The following ADAMTS6 variants were observed in gnomAD, a reference collection of about 807,000 sequenced individuals.
ADAMTS6 encodes ADAM metallopeptidase with thrombospondin type 1 motif 6, also known as A disintegrin and metalloproteinase with thrombospondin motifs 6.
ADAMTS6 carries 23 observed loss-of-function variants against 144.3 expected under a neutral mutation model. The observed-to-expected ratio is 0.16, with a 90% CI of 0.11 to 0.23. The LOEUF (loss-of-function observed/expected upper bound fraction) is 0.23. ADAMTS6 is among the 10% of genes least tolerant of loss of function. The pLI is 1.00. For synonymous variants in ADAMTS6, 444 were observed against 457.5 expected (o/e 0.97, Z 0.38); for missense variants, 999 against 1,379.6 (o/e 0.72, Z 4.37).
At chr5:65,379,657 C>T (rs1751865792) in intron 7 of ADAMTS6, among the ~76,000 whole-genome samples, 1 of 151,982 alleles carries the variant, frequency 6.6e-6, no homozygotes, top group African/African-American at 2.4e-5. Context: ...AACAGTGACC[C>T]CGCTTTCTCC....
At chr5:65,175,685 C>T (rs1032047716) in intron 22 of ADAMTS6, among the ~76,000 whole-genome samples, 11 of 151,366 alleles carry the variant, frequency 7.3e-5, no homozygotes, top group African/African-American at 2.7e-4. Flanking sequence ...CACATCTCAC[C>T]AGTTCAGAAG....
intron 14 of ADAMTS6, among the ~76,000 whole-genome samples, chr5:65,247,590 A>G (rs2112523185): frequency 6.6e-6 from 1 of 152,270 alleles, no homozygotes; most frequent in East Asian, 1.9e-4. Flanking sequence ...AAATGAGGAA[A>G]ATTCTGAAAA....
intron 24 of ADAMTS6, among the ~76,000 whole-genome samples, chr5:65,157,826 A>G (rs1752520933): frequency 6.6e-6 from 1 of 152,158 alleles, no homozygotes; most frequent in Non-Finnish European, 1.5e-5. Context: ...CAGACTAGAA[A>G]AGGATGAAAT....
chr5:65,158,916 A>G (rs1452201272), intron 24 of ADAMTS6, among the ~76,000 whole-genome samples: 1 of 151,378 alleles, frequency 6.6e-6, no homozygotes, highest in African/African-American at 2.4e-5. Flanking sequence ...CATTTCTTCA[A>G]TCTCTCTCAA....
At chr5:65,413,641 G>A (rs1755249778) in intron 7 of ADAMTS6, among the ~76,000 whole-genome samples, 1 of 151,956 alleles carries the variant, frequency 6.6e-6, no homozygotes, top group Non-Finnish European at 1.5e-5. Flanking sequence ...GTAACCTGAT[G>A]CCATAATGTT....
In ADAMTS6 at chr5:65,148,939, T is replaced by C. The variant is rs1670727099; in HGVS notation, c.*2897A>G. On this transcript the variant is annotated 3_prime_UTR_variant, in exon 25 of 25. Coordinates refer to ENST00000381055, the MANE Select transcript of ADAMTS6 (RefSeq NM_197941.4). Reference sequence around the variant, plus strand: ...TACAAAAGCAAAAAAATTAACAGTGTACCACATTATTACTGAGTATAAAAT... The same window carrying C: ...TACAAAAGCAAAAAAATTAACAGTGCACCACATTATTACTGAGTATAAAAT... 6.6e-6 allele frequency: 1 copy of C among 152,648 alleles called. No individual in the cohort carries two copies. The highest frequency in any genetic ancestry group is 6.5e-5 in the Admixed American group (1 of 15,276). 9.5% of individuals were successfully genotyped at this position (152,648 alleles called of 1,614,324 possible).
chr5:65,159,724 C>A (rs1202070307), intron 24 of ADAMTS6, among the ~76,000 whole-genome samples: 1 of 152,134 alleles, frequency 6.6e-6, no homozygotes, highest in Non-Finnish European at 1.5e-5. Context: ...GAACAGGGAA[C>A]CTGTTGTATT....
Position 65,195,857 on chromosome 5 carries a change from TCACA to T in ADAMTS6, c.2705+1161_2705+1164del, listed in dbSNP as rs1409320908. ...TTCTCAAACAAGAATGAAATGCCAA[TCACA>T]CATGTTTTCTCTTGCAGTTTTCAAT... On this transcript the variant is annotated intron_variant, in intron 21 of 24. Transcript: ENST00000381055. Among the ~76,000 whole-genome samples the T allele has an allele frequency of 4.6e-5, 7 of 152,354 alleles. No individual in the cohort carries two copies. The South Asian group carries it at 1.5e-3, about 32-fold the overall frequency.
At chr5:65,366,832 T>C (rs570926823) in intron 7 of ADAMTS6, among the ~76,000 whole-genome samples, 55 of 152,270 alleles carry the variant, frequency 3.6e-4, no homozygotes, top group African/African-American at 1.3e-3. Context: ...AGCTGCTCTG[T>C]TCTATAAATA....
At chr5:65,227,038 C>T (rs546104960) in intron 15 of ADAMTS6, among the ~76,000 whole-genome samples, 38 of 152,232 alleles carry the variant, frequency 2.5e-4, no homozygotes, top group Admixed American at 3.9e-4. Flanking sequence ...TTTGTACCTG[C>T]CTTAAGCATA....
chr5:65,267,062 T>A (rs1008669149), intron 12 of ADAMTS6, among the ~76,000 whole-genome samples: 1 of 152,040 alleles, frequency 6.6e-6, no homozygotes, highest in African/African-American at 2.4e-5. Flanking sequence ...TAAAGCAACT[T>A]GGAATATATA....
intron 18 of ADAMTS6, among the ~76,000 whole-genome samples, chr5:65,221,357 T>C (rs942616293): frequency 6.6e-6 from 1 of 152,168 alleles, no homozygotes; most frequent in African/African-American, 2.4e-5. Flanking sequence ...ATCAATCAAT[T>C]TATTTACTAT....
At chr5:65,387,008 G>A (rs1752528720) in intron 7 of ADAMTS6, among the ~76,000 whole-genome samples, 1 of 152,170 alleles carries the variant, frequency 6.6e-6, no homozygotes, top group African/African-American at 2.4e-5. Flanking sequence ...ATGGAAAGAA[G>A]AACAATAATG....
At chr5:65,305,736 A>G (rs1484487718) in intron 9 of ADAMTS6, among the ~76,000 whole-genome samples, 1 of 152,098 alleles carries the variant, frequency 6.6e-6, no homozygotes, top group African/African-American at 2.4e-5. Flanking sequence ...ACACGAACAC[A>G]GAGACAGAGA....
In ADAMTS6 at chr5:65,391,061, T is replaced by C. The variant is rs1384340460; in HGVS notation, c.1074-56976A>G. The stretch of plus-strand genomic sequence containing the variant: ...TCAGCCCCCCAACTAGTTGAGACTA[T>C]AGGCACACACCACCACAGCTGGCTA... On this transcript the variant is annotated intron_variant, in intron 7 of 24. Coordinates refer to ENST00000381055, the MANE Select transcript of ADAMTS6 (RefSeq NM_197941.4). 4.6e-5 allele frequency among the ~76,000 whole-genome samples: 7 copies of C among 151,792 alleles called. No homozygotes were observed. In the East Asian group the frequency reaches 1.4e-3, roughly 29 times the overall value.
rs1756748697 is a variant in ADAMTS6 at position 65,214,370 on chromosome 5, A to C, written c.2575+424T>G. The C allele has an allele frequency of 6.0e-6, 2 of 330,634 alleles. No individual in the cohort carries two copies. Among genetic ancestry groups the C allele is most frequent in the African/African-American group, 2.2e-5 (1 of 46,454 alleles). The allele number at this position is 330,634 out of a possible 1,614,324, so 20.5% of individuals were successfully genotyped here. On this transcript the variant is annotated intron_variant, in intron 20 of 24. Transcript: ENST00000381055. The surrounding 1 kb of genome is among the most constrained non-coding windows in gnomAD (Gnocchi z 4.6). Reference sequence around the variant, plus strand: ...GTTTGAATAGGATTGTGGCAAACACACAGGCACACAAACACACACAACAAG... The same window carrying C: ...GTTTGAATAGGATTGTGGCAAACACCCAGGCACACAAACACACACAACAAG...
At chr5:65,174,312 A>G (rs527775821) in intron 22 of ADAMTS6, among the ~76,000 whole-genome samples, 70 of 152,270 alleles carry the variant, frequency 4.6e-4, no homozygotes, top group Middle Eastern at 3.4e-3. Flanking sequence ...CTGACCGGGA[A>G]GCGAGGTGAT....
In ADAMTS6 at chr5:65,151,680, A is replaced by T. The variant is rs1752143904; in HGVS notation, c.*156T>A. 2 of 565,720 alleles carry T rather than the reference A, an allele frequency of 3.5e-6. No homozygotes were observed. The highest frequency in any genetic ancestry group is 6.2e-6 in the Non-Finnish European group (2 of 321,926). 35.0% of individuals were successfully genotyped at this position (565,720 alleles called of 1,614,324 possible). ...ATCCCACTTCACAGAAGCTAAAATA[A>T]TATTGAAATTTTGTCAGCTAGGGCT... is the stretch of plus-strand genomic sequence containing the variant. On this transcript the variant is annotated 3_prime_UTR_variant, in exon 25 of 25. Coordinates refer to ENST00000381055, the MANE Select transcript of ADAMTS6 (RefSeq NM_197941.4).
chr5:65,184,096 A>T (rs891579036), intron 22 of ADAMTS6, among the ~76,000 whole-genome samples: 2 of 152,212 alleles, frequency 1.3e-5, no homozygotes, highest in African/African-American at 4.8e-5. Flanking sequence ...TCTCATGATC[A>T]TTTAAAATCC....
Sources: gnomAD v4.1 joint callset for allele counts (sites outside exome capture counted in the v4.1 genomes callset) on GRCh38, gnomAD v4.1.1 for gene constraint, Gnocchi (gnomAD v3.1) non-coding constraint, MANE v1.5 for transcripts, NCBI Gene and HGNC (gene_info 2026-07-23, HGNC 2026-07-21) for gene names.